The following DLGAP1 variants were observed in gnomAD, a reference collection of about 807,000 sequenced individuals.
DLGAP1 encodes DLG associated protein 1.
In DLGAP1, 11 loss-of-function variants were observed where a neutral mutation model predicts 90.8. The observed-to-expected ratio is 0.12, with a 90% CI of 0.08 to 0.20. The LOEUF (loss-of-function observed/expected upper bound fraction) is 0.20. Ranked by LOEUF, DLGAP1 falls within the 10% of genes least tolerant of loss-of-function variation. The probability of loss-of-function intolerance (pLI) is 1.00; values close to 1 mark genes in which losing one functional copy is unlikely to be tolerated. For missense variants in DLGAP1, 1,050 were observed against 1,333.8 expected (o/e 0.79, Z 3.31); for synonymous variants, 558 against 540.7 (o/e 1.03, Z -0.44).
In DLGAP1 at chr18:3,534,316, C is replaced by A; in HGVS notation, c.2357G>T (p.Arg786Met). The change falls in exon 10 of 13, where the codon AGG (arginine) becomes ATG (methionine). Residue 786 changes from arginine to methionine, a missense_variant. Arg to Met is a moderately conservative substitution (Grantham distance 91, BLOSUM62 -1). Transcript: ENST00000315677. Reference protein sequence around the residue: ...ITEDPLEAVQRSVCHRDGHWF... With the variant: ...ITEDPLEAVQMSVCHRDGHWF... Reference sequence around the variant, plus strand: ...GTGGCCATCCCGGTGGCACACTGACCTTTGCACGGCCTCCAGAGGGTCTTC... The same window carrying A: ...GTGGCCATCCCGGTGGCACACTGACATTTGCACGGCCTCCAGAGGGTCTTC... The A allele has an allele frequency of 1.2e-6, 2 of 1,614,250 alleles. No homozygotes were observed. Among genetic ancestry groups the A allele is most frequent in the Non-Finnish European group, 1.7e-6 (2 of 1,180,042 alleles).
intron 2 of DLGAP1, among the ~76,000 whole-genome samples, chr18:4,022,760 G>A (rs2074635886): frequency 6.6e-6 from 1 of 150,922 alleles, no homozygotes; most frequent in Admixed American, 6.6e-5. Flanking sequence ...CAAACTCAGT[G>A]AGATTATTTT....
At chr18:3,671,176 C>CTT (rs1369204673) in intron 7 of DLGAP1, among the ~76,000 whole-genome samples, 1 of 123,220 alleles carries the variant, frequency 8.1e-6, no homozygotes, top group Non-Finnish European at 1.6e-5. Flanking sequence ...GGCCTTTGCT[C>CTT]TTTGCTGCTT....
intron 2 of DLGAP1, among the ~76,000 whole-genome samples, chr18:4,036,323 C>T (rs1038408927): frequency 6.6e-6 from 1 of 152,226 alleles, no homozygotes; most frequent in East Asian, 1.9e-4. Context: ...AAATGCAGTA[C>T]TTAGGAAGAA....
chr18:3,716,091 G>T (rs764774769), intron 7 of DLGAP1, among the ~76,000 whole-genome samples: 5 of 152,102 alleles, frequency 3.3e-5, no homozygotes, highest in Non-Finnish European at 5.9e-5. Context: ...CACCTTTCTG[G>T]AGATCATCTC....
chr18:3,821,943 C>T (rs2067442060), intron 4 of DLGAP1: 2 of 984,830 alleles, frequency 2.0e-6, no homozygotes, highest in Non-Finnish European at 2.4e-6. Context: ...TTCTGCTCCA[C>T]ACAGCTTTCA....
intron 1 of DLGAP1, among the ~76,000 whole-genome samples, chr18:4,292,405 G>T (rs1021684917): frequency 1.3e-5 from 2 of 151,892 alleles, no homozygotes; most frequent in Non-Finnish European, 2.9e-5. Flanking sequence ...TTGAAAATAT[G>T]TATATTTTAA....
intron 1 of DLGAP1, among the ~76,000 whole-genome samples, chr18:4,297,233 CAAG>C (rs1379644460): frequency 6.7e-6 from 1 of 149,458 alleles, no homozygotes; most frequent in Non-Finnish European, 1.5e-5. Flanking sequence ...GGTAAGATGC[CAAG>C]AAGGGGCAGA....
chr18:3,515,423 C>T (rs1476131665), intron 10 of DLGAP1, among the ~76,000 whole-genome samples: 52 of 137,576 alleles, frequency 3.8e-4, no homozygotes, highest in African/African-American at 1.6e-4. Flanking sequence ...GAGCCAAGAT[C>T]ATGCCACTGC....
At chr18:3,938,684 A>G (rs895498805) in intron 3 of DLGAP1, among the ~76,000 whole-genome samples, 15 of 152,194 alleles carry the variant, frequency 9.9e-5, no homozygotes, top group African/African-American at 3.4e-4. Context: ...GAGTAGCTGG[A>G]GCATTGGAAG....
intron 7 of DLGAP1, among the ~76,000 whole-genome samples, chr18:3,635,188 T>C (rs1020381578): frequency 1.3e-5 from 2 of 151,346 alleles, no homozygotes; most frequent in Admixed American, 6.6e-5. Context: ...TGGAGTGCAG[T>C]GGCGGGATCT....
chr18:4,403,803 G>T (rs550228011), intron 1 of DLGAP1, among the ~76,000 whole-genome samples: 456 of 152,162 alleles, frequency 3.0e-3, no homozygotes, highest in Non-Finnish European at 5.3e-3. Flanking sequence ...GAGTGTCCAT[G>T]GGTTATTTGC....
intron 7 of DLGAP1, among the ~76,000 whole-genome samples, chr18:3,585,095 C>T (rs868564955): frequency 3.3e-5 from 5 of 152,130 alleles, no homozygotes; most frequent in Non-Finnish European, 5.9e-5. Context: ...CAATAAGTGT[C>T]GACTTCCTCA....
chr18:4,137,370 T>G (rs2076421841), intron 2 of DLGAP1, among the ~76,000 whole-genome samples: 1 of 152,214 alleles, frequency 6.6e-6, no homozygotes, highest in Admixed American at 6.5e-5. Flanking sequence ...GCACCATTTA[T>G]TGAAGAGACT....
At chr18:4,331,013 G>C (rs976246568) in intron 1 of DLGAP1, among the ~76,000 whole-genome samples, 1 of 151,656 alleles carries the variant, frequency 6.6e-6, no homozygotes, top group African/African-American at 2.4e-5. Flanking sequence ...ATGATGTGAG[G>C]CTCTGTCATT....
At chr18:3,515,557 T>C (rs2050792491) in intron 10 of DLGAP1, among the ~76,000 whole-genome samples, 2 of 151,208 alleles carry the variant, frequency 1.3e-5, no homozygotes, top group Non-Finnish European at 2.9e-5. Flanking sequence ...GATAGGAGGA[T>C]TGCTTGAGCC....
At chr18:3,588,053 T>C (rs544495164) in intron 7 of DLGAP1, among the ~76,000 whole-genome samples, 6 of 152,362 alleles carry the variant, frequency 3.9e-5, no homozygotes, top group African/African-American at 9.6e-5. Flanking sequence ...AGGACTCTTA[T>C]CCATTTATGA....
chr18:4,048,763 G>C (rs1033288948), intron 2 of DLGAP1, among the ~76,000 whole-genome samples: 15 of 152,188 alleles, frequency 9.9e-5, no homozygotes, highest in African/African-American at 3.6e-4. Flanking sequence ...GTAGAAAAAG[G>C]CTGCTTTGGG....
intron 1 of DLGAP1, among the ~76,000 whole-genome samples, chr18:4,443,925 T>G (rs2083597556): frequency 6.6e-6 from 1 of 152,240 alleles, no homozygotes; most frequent in Non-Finnish European, 1.5e-5. Flanking sequence ...CCAGAAACCT[T>G]TCCCTTAGTG....
In DLGAP1 at chr18:3,724,744, GA is replaced by G. The variant is rs201871999; in HGVS notation, c.1591+4390del. On this transcript the variant is annotated intron_variant, in intron 7 of 12. Coordinates refer to ENST00000315677, the MANE Select transcript of DLGAP1 (RefSeq NM_004746.4). ...AGAGCAAGATCCCATCTCAAAAAATGAAAAAAAAATTAGCCAGGCGTGGTGA... is the reference window on the plus strand; with the variant it reads ...AGAGCAAGATCCCATCTCAAAAAATGAAAAAAAATTAGCCAGGCGTGGTGA... Among the ~76,000 whole-genome samples the G allele has an allele frequency of 1.3e-3, 189 of 150,100 alleles. 7 individuals carry two copies. In the East Asian group the frequency reaches 0.034, roughly 27 times the overall value.
Sources: gnomAD v4.1 joint callset for allele counts (sites outside exome capture counted in the v4.1 genomes callset) on GRCh38, gnomAD v4.1.1 for gene constraint, MANE v1.5 for transcripts, NCBI Gene and HGNC (gene_info 2026-07-23, HGNC 2026-07-21) for gene names.